MSI2: variants seen among roughly 807,000 people sequenced by gnomAD.
MSI2 encodes the protein RNA-binding protein Musashi homolog 2.
Under a neutral mutation model 45.6 loss-of-function variants are expected in MSI2, and 17 were observed. The ratio of observed to expected loss-of-function variants is 0.37; its 90% CI spans 0.26 to 0.56. The LOEUF is 0.56. MSI2 is among the 20% of genes least tolerant of loss of function. The pLI is 0.77. For synonymous variants in MSI2, 156 were observed against 158.2 expected (o/e 0.99, Z 0.11); for missense variants, 293 against 444.2 (o/e 0.66, Z 3.06).
intron 6 of MSI2, among the ~76,000 whole-genome samples, chr17:57,429,942 G>A (rs2084565141): frequency 6.6e-6 from 1 of 152,056 alleles, no homozygotes; most frequent in African/African-American, 2.4e-5. Flanking sequence ...TGTGACCTTG[G>A]GCAAATTCAT....
intron 5 of MSI2, among the ~76,000 whole-genome samples, chr17:57,330,973 T>C (rs1914211322): frequency 6.6e-6 from 1 of 151,386 alleles, no homozygotes; most frequent in South Asian, 2.1e-4. Flanking sequence ...AGTGGCGCCA[T>C]CTTGGTTCAC....
chr17:57,299,094 T>A lies in MSI2; in HGVS notation c.312+36902T>A, dbSNP rs1911218758. Among the ~76,000 whole-genome samples, 3 of 152,244 alleles carry A rather than the reference T, an allele frequency of 2.0e-5. No individual in the cohort carries two copies. In the South Asian group the frequency reaches 6.2e-4, roughly 31 times the overall value. ...AATCTCATGAACCAACTTTGCTGCT[T>A]CCAGTTTTTCTTCTGCACTTCTCAG... On this transcript the variant is annotated intron_variant, in intron 5 of 13. Coordinates refer to ENST00000284073, the MANE Select transcript of MSI2 (RefSeq NM_138962.4).
At chr17:57,527,336 A>G (rs73312838) in intron 6 of MSI2, among the ~76,000 whole-genome samples, 17 of 149,328 alleles carry the variant, frequency 1.1e-4, no homozygotes, top group Non-Finnish European at 2.4e-4. Flanking sequence ...AGATATGCTC[A>G]TATCACCATA....
At chr17:57,571,857 C>T (rs1380069927) in intron 7 of MSI2, among the ~76,000 whole-genome samples, 1 of 152,204 alleles carries the variant, frequency 6.6e-6, no homozygotes, top group Non-Finnish European at 1.5e-5. Flanking sequence ...GACTGCGTGC[C>T]TCTGCCTTCC....
chr17:57,417,145 C>T (rs573891191), intron 6 of MSI2, among the ~76,000 whole-genome samples: 71 of 152,304 alleles, frequency 4.7e-4, no homozygotes, highest in Non-Finnish European at 7.3e-4. Context: ...CTATGGTGGC[C>T]GCTGAAGGCA....
chr17:57,672,751 G>A (rs1912894246), intron 11 of MSI2, among the ~76,000 whole-genome samples: 1 of 152,216 alleles, frequency 6.6e-6, no homozygotes, highest in Non-Finnish European at 1.5e-5. Flanking sequence ...ACAAAACCAG[G>A]AGTCCACTGT....
At chr17:57,475,982 C>T (rs548847619) in intron 6 of MSI2, among the ~76,000 whole-genome samples, 10 of 152,326 alleles carry the variant, frequency 6.6e-5, no homozygotes, top group African/African-American at 2.4e-4. Flanking sequence ...CTCTCCCTCC[C>T]GACAATGTCA....
At chr17:57,468,199 A>G (rs1356306629) in intron 6 of MSI2, among the ~76,000 whole-genome samples, 6 of 151,774 alleles carry the variant, frequency 4.0e-5, no homozygotes. Flanking sequence ...TATTGTGAGA[A>G]TTCAACGAGA....
intron 6 of MSI2, among the ~76,000 whole-genome samples, chr17:57,438,814 T>TTTTTTA (rs2084740645): frequency 6.6e-6 from 1 of 151,444 alleles, no homozygotes; most frequent in Non-Finnish European, 1.5e-5. Context: ...TTTTTTTTTT[T>TTTTTTA]GAGACTGCGT....
intron 5 of MSI2, among the ~76,000 whole-genome samples, chr17:57,307,052 G>A (rs1911980965): frequency 6.6e-6 from 1 of 152,164 alleles, no homozygotes; most frequent in South Asian, 2.1e-4. Flanking sequence ...AACATTTTGA[G>A]CTTCGGATGC....
intron 1 of MSI2, 95 bp from the exon 2 acceptor site, chr17:57,257,003 G>A: frequency 7.1e-6 from 11 of 1,554,310 alleles, no homozygotes; most frequent in Non-Finnish European, 9.6e-6. Flanking sequence ...TCGCTCGCTC[G>A]CTCCCCCCCG....
At chr17:57,575,620 T>A (rs942611613) in intron 7 of MSI2, among the ~76,000 whole-genome samples, 4 of 152,110 alleles carry the variant, frequency 2.6e-5, no homozygotes, top group Admixed American at 2.6e-4. Flanking sequence ...GCTAAGCAGA[T>A]TCCACTCCCC....
chr17:57,548,278 C>G (rs1360269413), intron 7 of MSI2, among the ~76,000 whole-genome samples: 1 of 152,022 alleles, frequency 6.6e-6, no homozygotes, highest in Non-Finnish European at 1.5e-5. Flanking sequence ...CCTGTCCATG[C>G]AGATCATAGG....
At chr17:57,468,958 G>T (rs1164341801) in intron 6 of MSI2, among the ~76,000 whole-genome samples, 1 of 152,158 alleles carries the variant, frequency 6.6e-6, no homozygotes, top group East Asian at 1.9e-4. Context: ...GAAAGCAGAG[G>T]CCTTGAGTCT....
intron 5 of MSI2, among the ~76,000 whole-genome samples, chr17:57,336,229 G>A (rs940190675): frequency 6.6e-6 from 1 of 152,190 alleles, no homozygotes; most frequent in African/African-American, 2.4e-5. Context: ...TGAAGACTGG[G>A]ATGTAGGAAG....
intron 6 of MSI2, among the ~76,000 whole-genome samples, chr17:57,502,602 G>GATATATATATATATATATATATATAT (rs57142800): frequency 3.3e-4 from 18 of 54,402 alleles, no homozygotes; most frequent in Non-Finnish European, 4.8e-4. Flanking sequence ...ATGACTCTGA[G>GATATATATATATATATATATATATAT]ATATATATAT....
At chr17:57,359,672 G>A (rs1260576434) in intron 5 of MSI2, among the ~76,000 whole-genome samples, 1 of 152,216 alleles carries the variant, frequency 6.6e-6, no homozygotes, top group Non-Finnish European at 1.5e-5. Flanking sequence ...GATCCTGGCA[G>A]CTACAGCAGG....
At chr17:57,290,645 T>G (rs1433986533) in intron 5 of MSI2, among the ~76,000 whole-genome samples, 3 of 152,216 alleles carry the variant, frequency 2.0e-5, no homozygotes, top group Admixed American at 6.5e-5. Flanking sequence ...ATGGTTAGCC[T>G]GGCTCCTGAG....
intron 8 of MSI2, among the ~76,000 whole-genome samples, chr17:57,599,114 T>C (rs1465022678): frequency 6.6e-6 from 1 of 152,226 alleles, no homozygotes; most frequent in Non-Finnish European, 1.5e-5. Flanking sequence ...TACTGGCAGA[T>C]GCCATTCCTG....
Sources: gnomAD v4.1 joint callset for allele counts (sites outside exome capture counted in the v4.1 genomes callset) on GRCh38, gnomAD v4.1.1 for gene constraint, MANE v1.5 for transcripts, NCBI Gene and HGNC (gene_info 2026-07-23, HGNC 2026-07-21) for gene names.